AGAP1: variants seen among roughly 807,000 people sequenced by gnomAD.
The protein encoded by AGAP1 is arf-GAP with GTPase, ANK repeat and PH domain-containing protein 1.
In AGAP1, 29 loss-of-function variants were observed where a neutral mutation model predicts 105.3. The observed-to-expected ratio is 0.28, with a 90% CI of 0.21 to 0.38. AGAP1 has a LOEUF of 0.38. Ranked by LOEUF, AGAP1 falls within the 10% of genes least tolerant of loss-of-function variation. The probability of loss-of-function intolerance (pLI) is 1.00; values close to 1 mark genes in which losing one functional copy is unlikely to be tolerated. For synonymous variants in AGAP1, 509 were observed against 485.9 expected, an observed-to-expected ratio of 1.05 and a Z score of -0.63; for missense variants, 998 against 1,165.1, an observed-to-expected ratio of 0.86 and a Z score of 2.09.
chr2:235,670,358 C>A (rs1246444606), intron 1 of AGAP1: 2 of 527,358 alleles, frequency 3.8e-6, no homozygotes, highest in Non-Finnish European at 6.8e-6. Flanking sequence ...GGGTCCCCGG[C>A]CGCGCGCTTG....
chr2:235,670,697 G>T, intron 1 of AGAP1: 1 of 730,384 alleles, frequency 1.4e-6, no homozygotes, highest in Non-Finnish European at 2.3e-6. Flanking sequence ...GCCCGCGACC[G>T]CCACGCAGCC....
At chr2:236,074,476 C>T (rs1214070085) in intron 16 of AGAP1, among the ~76,000 whole-genome samples, 3 of 152,166 alleles carry the variant, frequency 2.0e-5, no homozygotes, top group African/African-American at 4.8e-5. Context: ...TTAATTTTTA[C>T]AAGCTTAAGC....
In AGAP1 at chr2:235,609,661, C is replaced by T. The variant is rs1476801285; in HGVS notation, c.164-99518C>T. Among the ~76,000 whole-genome samples the T allele has an allele frequency of 2.6e-5, 4 of 152,088 alleles. No homozygotes were observed. The highest frequency in any genetic ancestry group is 9.7e-5 in the African/African-American group (4 of 41,410). On this transcript the variant is annotated intron_variant, in intron 1 of 17. Coordinates refer to ENST00000304032, the MANE Select transcript of AGAP1 (RefSeq NM_001037131.3). The surrounding 1 kb of genome is among the most constrained non-coding windows in gnomAD (Gnocchi z 5.1). ...GCTCTGGGGTCCCGTGCTGAGGGAG[C>T]ATCCTTATGGTAAACGTCCCTGGTT...
In AGAP1 at chr2:236,014,323, T is replaced by C. The variant is rs1410281664; in HGVS notation, c.1646-22238T>C. Among the ~76,000 whole-genome samples the C allele has an allele frequency of 6.6e-6, 1 of 152,186 alleles. No individual in the cohort carries two copies. Among genetic ancestry groups the C allele is most frequent in the Admixed American group, 6.5e-5 (1 of 15,288 alleles). ...AGACAACTTCACTTTTAACAGCTCT[T>C]GGTTTTAAAACCTACCTTCTCCAAC... On this transcript the variant is annotated intron_variant, in intron 13 of 17. Coordinates refer to ENST00000304032, the MANE Select transcript of AGAP1 (RefSeq NM_001037131.3). This position sits in a 1 kb window ranked among gnomAD's most constrained non-coding sequence, Gnocchi z 6.3.
chr2:235,704,221 G>A (rs184106645), intron 1 of AGAP1, among the ~76,000 whole-genome samples: 211 of 152,340 alleles, frequency 1.4e-3, no homozygotes, highest in African/African-American at 5.0e-3. Context: ...ATGGCAACCT[G>A]TGCTGTTTTC....
At chr2:235,589,569 C>G (rs1028784675) in intron 1 of AGAP1, among the ~76,000 whole-genome samples, 6 of 152,238 alleles carry the variant, frequency 3.9e-5, no homozygotes, top group Admixed American at 1.3e-4. Context: ...AGTGTAACTC[C>G]TGGTTCTTCA....
At chr2:235,972,096 A>G (rs1312151432) in intron 13 of AGAP1, among the ~76,000 whole-genome samples, 2 of 152,152 alleles carry the variant, frequency 1.3e-5, no homozygotes, top group East Asian at 3.9e-4. Context: ...TGTTTTGAGA[A>G]TACTATTCTA....
chr2:235,902,413 T>A (rs2051108090), intron 10 of AGAP1, among the ~76,000 whole-genome samples: 1 of 152,214 alleles, frequency 6.6e-6, no homozygotes. Flanking sequence ...CTTTTACGTG[T>A]GTTTTATCCA....
At chr2:235,738,123 G>A (rs1952359228) in intron 3 of AGAP1, among the ~76,000 whole-genome samples, 1 of 152,172 alleles carries the variant, frequency 6.6e-6, no homozygotes, top group Admixed American at 6.5e-5. Flanking sequence ...CTGAGGCCGG[G>A]AGTGGGCACG....
At chr2:236,093,163 G>A (rs2059107509) in intron 16 of AGAP1, among the ~76,000 whole-genome samples, 1 of 152,208 alleles carries the variant, frequency 6.6e-6, no homozygotes, top group African/African-American at 2.4e-5. Context: ...TATTTTAATT[G>A]GTTCAGTCAA....
intron 1 of AGAP1, among the ~76,000 whole-genome samples, chr2:235,628,611 C>T (rs1946719481): frequency 6.6e-6 from 1 of 151,916 alleles, no homozygotes; most frequent in Admixed American, 6.6e-5. Flanking sequence ...GAAGGGGGAG[C>T]CATTGCCCAC....
chr2:235,598,395 C>A (rs1945613017), intron 1 of AGAP1, among the ~76,000 whole-genome samples: 1 of 152,116 alleles, frequency 6.6e-6, no homozygotes, highest in South Asian at 2.1e-4. Context: ...GGGCTTTGGT[C>A]TTTATTTAGA....
chr2:235,757,669 C>A (rs1954044704), intron 6 of AGAP1, among the ~76,000 whole-genome samples: 1 of 152,166 alleles, frequency 6.6e-6, no homozygotes, highest in Non-Finnish European at 1.5e-5. Context: ...ATGCCGAGAG[C>A]CCGAGCTGGG....
chr2:235,915,690 G>A (rs1251849775), intron 11 of AGAP1, among the ~76,000 whole-genome samples: 1 of 152,086 alleles, frequency 6.6e-6, no homozygotes, highest in African/African-American at 2.4e-5. Context: ...TAAAGAGTAT[G>A]TGAAAATACT....
At chr2:235,524,514 C>T (rs1238524149) in intron 1 of AGAP1, 3 of 349,380 alleles carry the variant, frequency 8.6e-6, no homozygotes, top group Non-Finnish European at 1.8e-5. Flanking sequence ...GAAGACAGGC[C>T]ACGGGGCTGC....
rs1230605140 is a variant in AGAP1 at position 235,993,729 on chromosome 2, A to T, written c.1645+25106A>T. Among the ~76,000 whole-genome samples the T allele has an allele frequency of 6.6e-6, 1 of 151,774 alleles. No homozygotes were observed. Among genetic ancestry groups the T allele is most frequent in the African/African-American group, 2.4e-5 (1 of 41,302 alleles). ...TTGAAAATACCCTAGTTTAACTTAA[A>T]CTCTTTCTTACCAAACCAGCTATGC... is the stretch of plus-strand genomic sequence containing the variant. On this transcript the variant is annotated intron_variant, in intron 13 of 17. Transcript: ENST00000304032. This position sits in a 1 kb window ranked among gnomAD's most constrained non-coding sequence, Gnocchi z 5.0.
rs1227746781 is a variant in AGAP1 at position 235,979,368 on chromosome 2, T to C, written c.1645+10745T>C. ...TTCATTTGAATCCTGCATCGCTGATTTAAGTGTTAATCAAATGCCTGTCTC... is the reference window on the plus strand; with the variant it reads ...TTCATTTGAATCCTGCATCGCTGATCTAAGTGTTAATCAAATGCCTGTCTC... On this transcript the variant is annotated intron_variant, in intron 13 of 17. Coordinates refer to ENST00000304032, the MANE Select transcript of AGAP1 (RefSeq NM_001037131.3). This position sits in a 1 kb window ranked among gnomAD's most constrained non-coding sequence, Gnocchi z 4.5. Among the ~76,000 whole-genome samples, 5 of 152,168 alleles carry C rather than the reference T, an allele frequency of 3.3e-5. No homozygotes were observed. Among genetic ancestry groups the C allele is most frequent in the African/African-American group, 1.2e-4 (5 of 41,430 alleles).
At chr2:235,526,823 ATT>A (rs1178021674) in intron 1 of AGAP1, among the ~76,000 whole-genome samples, 1 of 152,182 alleles carries the variant, frequency 6.6e-6, no homozygotes, top group African/African-American at 2.4e-5. Flanking sequence ...AAACCTAAAA[ATT>A]AAAAGTACCA....
intron 9 of AGAP1, among the ~76,000 whole-genome samples, chr2:235,820,104 T>C (rs1326907144): frequency 6.6e-6 from 1 of 152,090 alleles, no homozygotes; most frequent in Non-Finnish European, 1.5e-5. Flanking sequence ...GGTTTCTCCA[T>C]GTTCAGGCCG....
Sources: gnomAD v4.1 joint callset for allele counts (sites outside exome capture counted in the v4.1 genomes callset) on GRCh38, gnomAD v4.1.1 for gene constraint, Gnocchi (gnomAD v3.1) non-coding constraint, MANE v1.5 for transcripts, NCBI Gene and HGNC (gene_info 2026-07-23, HGNC 2026-07-21) for gene names.